Variants in TMEM217 observed in about 807,000 individuals in gnomAD.
TMEM217 encodes transmembrane protein 217, also known as chromosome 6 open reading frame 128.
For missense variants in TMEM217, 204 were observed against 248.8 expected (o/e 0.82, Z 1.21); for synonymous variants, 76 against 88.3 (o/e 0.86, Z 0.78).
chr6:37,257,640 C>A (rs1036271713), exon 1 of TMEM217: 3 of 459,416 alleles, frequency 6.5e-6, no homozygotes, highest in African/African-American at 6.1e-5. Context: ...CCTTCCCCGT[C>A]CACCTGTGTG....
exon 4 of TMEM217, chr6:37,212,247 A>G (rs1455515524): frequency 2.9e-6 from 1 of 343,546 alleles, no homozygotes; most frequent in African/African-American, 2.2e-5. Context: ...CACATCTGTA[A>G]AATAATTGAT....
chr6:37,247,908 C>T (rs534978963), intron 1 of TMEM217, among the ~76,000 whole-genome samples: 4 of 152,134 alleles, frequency 2.6e-5, no homozygotes, highest in African/African-American at 9.6e-5. Flanking sequence ...CCATAGTTCT[C>T]GGGAGATGGG....
At chr6:37,242,631 T>A (rs1764828567) in intron 1 of TMEM217, among the ~76,000 whole-genome samples, 1 of 152,226 alleles carries the variant, frequency 6.6e-6, no homozygotes, top group African/African-American at 2.4e-5. Context: ...AAAGCCCTCA[T>A]GATCTGACTG....
intron 1 of TMEM217, among the ~76,000 whole-genome samples, chr6:37,230,944 A>G (rs1025249833): frequency 7.9e-5 from 12 of 152,140 alleles, no homozygotes; most frequent in African/African-American, 2.9e-4. Context: ...GTTTTTTGTT[A>G]TTGTTTGTTT....
chr6:37,235,363 C>A (rs750913403), intron 1 of TMEM217, among the ~76,000 whole-genome samples: 9 of 151,892 alleles, frequency 5.9e-5, no homozygotes, highest in Non-Finnish European at 7.4e-5. Flanking sequence ...AAATGTATTT[C>A]TTTTATTATT....
chr6:37,239,538 T>C (rs1764656379), intron 1 of TMEM217, among the ~76,000 whole-genome samples: 1 of 151,978 alleles, frequency 6.6e-6, no homozygotes, highest in South Asian at 2.1e-4. Flanking sequence ...TGAGAAAGCA[T>C]TGAAGCATAG....
chr6:37,232,801 T>G (rs1764278847), intron 1 of TMEM217, among the ~76,000 whole-genome samples: 1 of 152,214 alleles, frequency 6.6e-6, no homozygotes, highest in Admixed American at 6.5e-5. Flanking sequence ...ACTCCTTATC[T>G]CTTCAAACAC....
At chr6:37,238,116 G>C (rs1764586350) in intron 1 of TMEM217, among the ~76,000 whole-genome samples, 1 of 151,622 alleles carries the variant, frequency 6.6e-6, no homozygotes, top group South Asian at 2.1e-4. Flanking sequence ...TCATGAACCA[G>C]GGATTATGAT....
At chr6:37,232,218 A>C (rs890531335) in intron 1 of TMEM217, among the ~76,000 whole-genome samples, 1 of 152,188 alleles carries the variant, frequency 6.6e-6, no homozygotes, top group Non-Finnish European at 1.5e-5. Context: ...GTTGATGCAA[A>C]TAGAATTAGA....
chr6:37,218,204 C>A, exon 2 of TMEM217: 1 of 1,253,654 alleles, frequency 8.0e-7, no homozygotes, highest in Non-Finnish European at 1.0e-6. Context: ...GAGTCTTACT[C>A]TGTCACTCAG....
chr6:37,246,230 A>T (rs890968357), intron 1 of TMEM217, among the ~76,000 whole-genome samples: 2 of 152,228 alleles, frequency 1.3e-5, no homozygotes, highest in African/African-American at 4.8e-5. Flanking sequence ...TGCAAAATTC[A>T]GTGGCTTAAA....
At chr6:37,239,700 T>C (rs1764668236) in intron 1 of TMEM217, among the ~76,000 whole-genome samples, 1 of 152,102 alleles carries the variant, frequency 6.6e-6, no homozygotes, top group Non-Finnish European at 1.5e-5. Context: ...AATATGTTGC[T>C]GCCAACTCAT....
exon 2 of TMEM217, chr6:37,217,697 T>G (rs1332438972): frequency 2.8e-5 from 28 of 985,114 alleles, no homozygotes; most frequent in Non-Finnish European, 3.4e-5. Flanking sequence ...GAAGACACAG[T>G]GGGGAAATCA....
intron 1 of TMEM217, among the ~76,000 whole-genome samples, chr6:37,251,408 G>A (rs1417520431): frequency 7.3e-6 from 1 of 137,136 alleles, no homozygotes; most frequent in Non-Finnish European, 1.6e-5. Context: ...ATGAGATAAT[G>A]TATAAAGAAT....
chr6:37,252,377 A>T (rs1765445922), intron 1 of TMEM217, among the ~76,000 whole-genome samples: 1 of 151,954 alleles, frequency 6.6e-6, no homozygotes, highest in Non-Finnish European at 1.5e-5. Context: ...TGCAAGAGAG[A>T]CCATATGGCT....
chr6:37,212,452 G>T (rs1417449778), exon 4 of TMEM217: 8 of 442,004 alleles, frequency 1.8e-5, no homozygotes, highest in Non-Finnish European at 3.2e-5. Flanking sequence ...CAGACGGACA[G>T]GTAGTCATGA....
chr6:37,221,108 C>T (rs891504900), intron 1 of TMEM217, among the ~76,000 whole-genome samples: 4 of 152,160 alleles, frequency 2.6e-5, no homozygotes, highest in Non-Finnish European at 4.4e-5. Flanking sequence ...CCCATTTCCC[C>T]CTGCCCCAGC....
chr6:37,216,809 T>C (rs73417837), downstream of TMEM217, among the ~76,000 whole-genome samples: 7,017 of 152,242 alleles, frequency 0.046, 551 homozygotes, highest in African/African-American at 0.16. Context: ...AGTGACCTTA[T>C]AAAGGGACAG....
At chr6:37,218,247 G>T in exon 2 of TMEM217, 1 of 1,301,206 alleles carries the variant, frequency 7.7e-7, no homozygotes, top group Non-Finnish European at 1.0e-6. Context: ...TCGGCTCACT[G>T]CAACCTCCAC....
Sources: allele counts gnomAD v4.1 joint callset (sites outside exome capture counted in the v4.1 genomes callset), GRCh38; gene constraint gnomAD v4.1.1; transcripts MANE v1.5; gene names NCBI Gene and HGNC (gene_info 2026-07-23, HGNC 2026-07-21).